Variants in TNXB observed in about 807,000 individuals in gnomAD.
TNXB encodes tenascin-X.
Under a neutral mutation model 340.5 loss-of-function variants are expected in TNXB, and 183 were observed. The ratio of observed to expected loss-of-function variants is 0.54; its 90% CI spans 0.48 to 0.61. The LOEUF (loss-of-function observed/expected upper bound fraction) is 0.61, where lower values mean the gene tolerates loss of function less well. Ranked by LOEUF, TNXB falls within the 20% of genes least tolerant of loss-of-function variation. The pLI is 0.00. For missense variants in TNXB, 4,613 were observed against 5,446.4 expected (o/e 0.85, Z 4.82); for synonymous variants, 2,121 against 2,314.5 (o/e 0.92, Z 2.40).
rs1368880441 is a variant in TNXB at position 32,069,661 on chromosome 6, T to C, written c.5479A>G (p.Arg1827Gly). ...PQVVPVEGSL[R>G]EVSVPGLDPA... ...TCCAGGCCCGGCACGCTGACCTCCC[T>C]GAGGCTGCCCTCCACGGGCACCACC... Residue 1827 changes from arginine (R) to glycine (G), a missense_variant, in exon 15 of 44, where the codon AGG becomes GGG. Transcript: ENST00000644971. The surrounding 1 kb of genome is among the most constrained non-coding windows in gnomAD (Gnocchi z 6.2). 6.2e-7 allele frequency: 1 copy of C among 1,612,954 alleles called. No homozygotes were observed. Among genetic ancestry groups the C allele is most frequent in the Non-Finnish European group, 8.5e-7 (1 of 1,179,636 alleles).
chr6:32,048,235 G>A (rs1777024534), intron 29 of TNXB, 128 bp downstream of exon 29: 2 of 1,149,434 alleles, frequency 1.7e-6, no homozygotes, highest in African/African-American at 3.1e-5. Context: ...TCAGGGCCTG[G>A]GTTTTCCTGG....
At position 32,047,287 on chromosome 6, in the gene TNXB, T is replaced by A. The variant is rs536049778; in HGVS notation, c.10324+447A>T. ...TCAGGGAGCTGAGTCATAGGCATAG[T>A]GACACCAGGTTTTTCCATCGTCTTT... On this transcript the variant is annotated intron_variant, in intron 30 of 43. Transcript: ENST00000644971. The surrounding 1 kb of genome is among the most constrained non-coding windows in gnomAD (Gnocchi z 6.2). Among the ~76,000 whole-genome samples the A allele has an allele frequency of 6.6e-6, 1 of 152,342 alleles. No individual in the cohort carries two copies. The highest frequency in any genetic ancestry group is 1.9e-4 in the East Asian group (1 of 5,186).
chr6:32,103,619 C>T (rs545472378), intron 1 of TNXB, among the ~76,000 whole-genome samples: 2 of 152,202 alleles, frequency 1.3e-5, no homozygotes, highest in South Asian at 4.2e-4. Context: ...AAACAGCTCC[C>T]TCTAGGGCTT....
At position 32,046,373 on chromosome 6, in the gene TNXB, T is replaced by C; in HGVS notation, c.10408A>G (p.Thr3470Ala). The C allele has an allele frequency of 1.3e-6, 2 of 1,599,272 alleles. No homozygotes were observed. Among genetic ancestry groups the C allele is most frequent in the South Asian group, 1.1e-5 (1 of 89,382 alleles). ...ETSSSLRLSWTVAQGPFDSFV... is the reference protein window; with the variant it reads ...ETSSSLRLSWAVAQGPFDSFV... ...GAGTCAAAGGGGCCCTGGGCTACCG[T>C]CCAGGACAGGCGCAGAGAGCTGGAG... Residue 3470 changes from threonine (T) to alanine (A), a missense_variant, in exon 31 of 44, where the codon ACG (threonine) becomes GCG (alanine). Transcript: ENST00000644971. This position sits in a 1 kb window ranked among gnomAD's most constrained non-coding sequence, Gnocchi z 6.9.
In TNXB at chr6:32,097,530, C is replaced by A; in HGVS notation, c.404-81G>T. 6.7e-7 allele frequency: 1 copy of A among 1,491,718 alleles called. No individual in the cohort carries two copies. Among genetic ancestry groups the A allele is most frequent in the Non-Finnish European group, 9.0e-7 (1 of 1,116,946 alleles). The allele number at this position is 1,491,718 out of a possible 1,614,324, so 92.4% of individuals were successfully genotyped here. On this transcript the variant is annotated intron_variant, in intron 2 of 43. Transcript: ENST00000644971. This position sits in a 1 kb window ranked among gnomAD's most constrained non-coding sequence, Gnocchi z 5.9. ...CCTATGTAGTGCTCCTATGTGCAGG[C>A]CCCTAGCCAGGCTAGCCTCATCTCA...
chr6:32,072,005 C>A lies in TNXB; in HGVS notation c.4975G>T (p.Val1659Leu). ...QDGKRRSPVS[V>L]EAKTVARGDA... Reference sequence around the variant, plus strand: ...CCCATCTCACCCGTCTTTGCCTCCACAGAGACTGGGCTGCGTCGTTTCCCA... The same window carrying A: ...CCCATCTCACCCGTCTTTGCCTCCAAAGAGACTGGGCTGCGTCGTTTCCCA... Residue 1659 changes from valine (V) to leucine (L), a missense_variant, in exon 13 of 44, where the codon GTG (valine) becomes TTG (leucine). Physicochemically the swap from Val to Leu is conservative, Grantham distance 32. Transcript: ENST00000644971. This position sits in a 1 kb window ranked among gnomAD's most constrained non-coding sequence, Gnocchi z 4.4. The A allele has an allele frequency of 6.2e-7, 1 of 1,602,830 alleles. No individual in the cohort carries two copies. The highest frequency in any genetic ancestry group is 8.5e-7 in the Non-Finnish European group (1 of 1,173,628).
Position 32,050,013 on chromosome 6 carries a change from C to T in TNXB, c.9424G>A (p.Ala3142Thr). 2 of 1,613,806 alleles carry T rather than the reference C, an allele frequency of 1.2e-6. No homozygotes were observed. The highest frequency in any genetic ancestry group is 2.2e-5 in the East Asian group (1 of 44,888). ...ATTCACTCACCCGTCACCCCAATGGCAGACACAGGGCCTACGCGCTGGCCA... is the reference window on the plus strand; with the variant it reads ...ATTCACTCACCCGTCACCCCAATGGTAGACACAGGGCCTACGCGCTGGCCA... ...HGGQRVGPVSAIGVTEEETPS... is the reference protein window; with the variant it reads ...HGGQRVGPVSTIGVTEEETPS... The change falls in exon 27 of 44, where the codon GCC becomes ACC. Residue 3142 changes from alanine (A) to threonine (T), a missense_variant. By Grantham distance (58) the Ala-to-Thr change is moderately conservative. Around this residue, in one of 7 missense-constraint regions of TNXB, gnomAD observed 4,327 missense variants for 4,859.4 expected, o/e 0.89. Transcript: ENST00000644971.
At chr6:32,056,204 AG>A (rs758224501) in intron 23 of TNXB, 30 bp from the exon 24 acceptor site, 6 of 1,597,292 alleles carry the variant, frequency 3.8e-6, no homozygotes, top group Non-Finnish European at 5.1e-6. Flanking sequence ...AGAGGATGCC[AG>A]GTGCCTGGGG....
At position 32,047,950 on chromosome 6, in the gene TNXB, A is replaced by C; in HGVS notation, c.10108T>G (p.Ser3370Ala). Residue 3370 changes from serine to alanine, a missense_variant, in exon 30 of 44, where the codon TCC becomes GCC. Transcript: ENST00000644971. The surrounding 1 kb of genome is among the most constrained non-coding windows in gnomAD (Gnocchi z 6.2). ...GGGACCGTCCACGAGAGGCCCACGG[A>C]GTCAGGGGTCGCATCTGTCACAGTC... is the stretch of plus-strand genomic sequence containing the variant. ...ELTVTDATPD[S>A]VGLSWTVPEG... The C allele has an allele frequency of 1.9e-6, 3 of 1,612,142 alleles. No homozygotes were observed. The highest frequency in any genetic ancestry group is 2.5e-6 in the Non-Finnish European group (3 of 1,179,508).
rs1779996507 is a variant in TNXB at position 32,089,788 on chromosome 6, C to A, written c.2359-409G>T. On this transcript the variant is annotated intron_variant, in intron 4 of 43. Transcript: ENST00000644971. This position sits in a 1 kb window ranked among gnomAD's most constrained non-coding sequence, Gnocchi z 6.2. ...CTGTCAGAGTCCCCTCTCATGGGCA[C>A]CCCGTGTTCATCTGCCAGAATTCCA... Among the ~76,000 whole-genome samples the A allele has an allele frequency of 6.6e-6, 1 of 152,178 alleles. No individual in the cohort carries two copies. The highest frequency in any genetic ancestry group is 6.5e-5 in the Admixed American group (1 of 15,272).
At position 32,053,521 on chromosome 6, in the gene TNXB, C is replaced by A; in HGVS notation, c.8658G>T (p.Lys2886Asn). 1 of 1,613,654 alleles carries A rather than the reference C, an allele frequency of 6.2e-7. No homozygotes were observed. Among genetic ancestry groups the A allele is most frequent in the Non-Finnish European group, 8.5e-7 (1 of 1,179,890 alleles). ...VQYRNGDGQP[K>N]VVRVPGHEDG... ...CCTCGTGCCCCGGCACCCGCACCAC[C>A]TTGGGCTGCCCATCCCCATTCCTGT... The change falls in exon 25 of 44, where the codon AAG (lysine) becomes AAT (asparagine). Residue 2886 changes from lysine (K) to asparagine (N), a missense_variant. Physicochemically the swap from Lys to Asn is moderately conservative, Grantham distance 94 (BLOSUM62 0). Coordinates refer to ENST00000644971, the MANE Select transcript of TNXB (RefSeq NM_001365276.2).
chr6:32,046,543 A>G lies in TNXB; in HGVS notation c.10325-87T>C. On this transcript the variant is annotated intron_variant, in intron 30 of 43. Transcript: ENST00000644971. This position sits in a 1 kb window ranked among gnomAD's most constrained non-coding sequence, Gnocchi z 6.9. Reference sequence around the variant, plus strand: ...CCTCCCGGAGGTGTGAGGTTCTGGGAAATGGTCCCTCCAGTGTAGCCCCAG... The same window carrying G: ...CCTCCCGGAGGTGTGAGGTTCTGGGGAATGGTCCCTCCAGTGTAGCCCCAG... The G allele has an allele frequency of 4.8e-6, 6 of 1,251,104 alleles. No homozygotes were observed. The highest frequency in any genetic ancestry group is 6.5e-6 in the Non-Finnish European group (6 of 929,198). The allele number at this position is 1,251,104 out of a possible 1,614,324, so 77.5% of individuals were successfully genotyped here. A position where few individuals can be genotyped will look rare whatever the true frequency, so the allele number is the denominator to read the frequency against.
rs1285415776 is a variant in TNXB, at chr6:32,075,778, C to T, written c.4376-1826G>A. The stretch of plus-strand genomic sequence containing the variant: ...GGGCTCAGGACCTGCAGATCCCCAC[C>T]ACTCCCGCATGAGGAAGCACTCATT... On this transcript the variant is annotated intron_variant, in intron 11 of 43. Coordinates refer to ENST00000644971, the MANE Select transcript of TNXB (RefSeq NM_001365276.2). The surrounding 1 kb of genome is among the most constrained non-coding windows in gnomAD (Gnocchi z 4.6). 6.6e-6 allele frequency among the ~76,000 whole-genome samples: 1 copy of T among 152,212 alleles called. No individual in the cohort carries two copies. The highest frequency in any genetic ancestry group is 1.5e-5 in the Non-Finnish European group (1 of 68,042).
chr6:32,107,694 C>T (rs1018433353), intron 1 of TNXB, among the ~76,000 whole-genome samples: 3 of 152,130 alleles, frequency 2.0e-5, no homozygotes, highest in Non-Finnish European at 4.4e-5. Flanking sequence ...CCAACTTTGA[C>T]ACTTTGCTCA....
intron 28 of TNXB, among the ~76,000 whole-genome samples, chr6:32,048,966 G>A (rs1038725655): frequency 2.0e-5 from 3 of 152,208 alleles, no homozygotes; most frequent in African/African-American, 7.2e-5. Flanking sequence ...TGGATCTGAA[G>A]CACTTTCTGA....
chr6:32,074,449 G>A lies in TNXB; in HGVS notation c.4376-497C>T, dbSNP rs1778968421. Among the ~76,000 whole-genome samples the A allele has an allele frequency of 6.6e-6, 1 of 152,170 alleles. No homozygotes were observed. Among genetic ancestry groups the A allele is most frequent in the Non-Finnish European group, 1.5e-5 (1 of 68,024 alleles). On this transcript the variant is annotated intron_variant, in intron 11 of 43. Transcript: ENST00000644971. This position sits in a 1 kb window ranked among gnomAD's most constrained non-coding sequence, Gnocchi z 5.5. ...GGTGTCTGAGGCTGCATTTGTTGGG[G>A]GAGAAGAGTATCAACCATCACTGAC... is the stretch of plus-strand genomic sequence containing the variant.
intron 21 of TNXB, among the ~76,000 whole-genome samples, chr6:32,060,056 T>C (rs1777914577): frequency 6.6e-6 from 1 of 151,946 alleles, no homozygotes; most frequent in African/African-American, 2.4e-5. Flanking sequence ...TAAGTCTGGC[T>C]GGGCGCGGTG....
Position 32,072,355 on chromosome 6 carries a change from G to C in TNXB, c.4682-57C>G. On this transcript the variant is annotated intron_variant, in intron 12 of 43. Coordinates refer to ENST00000644971, the MANE Select transcript of TNXB (RefSeq NM_001365276.2). This position sits in a 1 kb window ranked among gnomAD's most constrained non-coding sequence, Gnocchi z 4.4. ...AGATCTCTGAGGGGAGAACCCCTGG[G>C]CTTTGAGGGCCTCAGGGGGGCTGTG... 6.8e-7 allele frequency: 1 copy of C among 1,463,540 alleles called. No homozygotes were observed. Among genetic ancestry groups the C allele is most frequent in the Non-Finnish European group, 9.2e-7 (1 of 1,092,106 alleles). The allele number at this position is 1,463,540 out of a possible 1,614,324, so 90.7% of individuals were successfully genotyped here.
intron 13 of TNXB, among the ~76,000 whole-genome samples, chr6:32,071,259 C>T (rs1778753081): frequency 6.6e-6 from 1 of 152,198 alleles, no homozygotes; most frequent in African/African-American, 2.4e-5. Context: ...GAAGGAAGGG[C>T]AGCCTCTGTA....
Sources: allele counts gnomAD v4.1 joint callset (sites outside exome capture counted in the v4.1 genomes callset), GRCh38; gene constraint gnomAD v4.1.1; regional missense constraint gnomAD v4.1.1; non-coding constraint Gnocchi (gnomAD v3.1); transcripts MANE v1.5; gene names NCBI Gene and HGNC (gene_info 2026-07-23, HGNC 2026-07-21).